Variants in R3HDM1 observed in about 807,000 individuals in gnomAD.
R3HDM1 encodes R3H domain-containing protein 1.
A neutral mutation model predicts 141.1 loss-of-function variants in R3HDM1; 46 were observed. The observed-to-expected ratio is 0.33, with a 90% CI of 0.26 to 0.42. The LOEUF (loss-of-function observed/expected upper bound fraction) is 0.42. Among genes scored for constraint, R3HDM1 ranks in the 10% least tolerant of loss-of-function variants. The pLI is 1.00. For synonymous variants in R3HDM1, 435 were observed against 472.9 expected (o/e 0.92, Z 1.04); for missense variants, 1,184 against 1,368.3 (o/e 0.87, Z 2.12).
At chr2:135,611,149 C>T (rs1033497552) in intron 3 of R3HDM1, among the ~76,000 whole-genome samples, 4 of 151,050 alleles carry the variant, frequency 2.6e-5, no homozygotes, top group Non-Finnish European at 5.9e-5. Context: ...TGGCTGCGCA[C>T]GGTGGTTCAC....
intron 6 of R3HDM1, 45 bp downstream of exon 6, chr2:135,621,653 A>G: frequency 6.8e-7 from 1 of 1,474,428 alleles, no homozygotes; most frequent in Non-Finnish European, 9.1e-7. Context: ...TTTTGCTATC[A>G]GTAATTCCAT....
intron 1 of R3HDM1, among the ~76,000 whole-genome samples, chr2:135,546,134 G>A (rs373258319): frequency 6.6e-6 from 1 of 152,202 alleles, no homozygotes; most frequent in African/African-American, 2.4e-5. Flanking sequence ...TGACAAGAGC[G>A]CATTCCTAAG....
chr2:135,602,731 A>G (rs2059716749), intron 2 of R3HDM1, 23 bp downstream of exon 2: 1 of 1,451,224 alleles, frequency 6.9e-7, no homozygotes. Flanking sequence ...TGTCATTCAG[A>G]AAAACATATT....
chr2:135,559,128 C>T (rs954708942), intron 1 of R3HDM1: 12 of 858,946 alleles, frequency 1.4e-5, no homozygotes, highest in African/African-American at 1.3e-4. Context: ...TTGTTGTTGT[C>T]GGAGACAGGG....
chr2:135,706,929 G>T lies in R3HDM1; in HGVS notation c.2460-2504G>T, dbSNP rs1235112176. ...GACGGGGTGGTGGCCGGGCAGAGGGGCTCCTCACTTCCCAGTAGGGGCGGC... is the reference window on the plus strand; with the variant it reads ...GACGGGGTGGTGGCCGGGCAGAGGGTCTCCTCACTTCCCAGTAGGGGCGGC... On this transcript the variant is annotated intron_variant, in intron 21 of 26. Coordinates refer to ENST00000683871, the MANE Select transcript of R3HDM1 (RefSeq NM_001378107.1). Among the ~76,000 whole-genome samples, 8 of 152,106 alleles carry T rather than the reference G, an allele frequency of 5.3e-5. No homozygotes were observed. In the South Asian group the frequency reaches 6.2e-4, roughly 12 times the overall value.
intron 22 of R3HDM1, 71 bp from the exon 23 acceptor site, chr2:135,709,988 T>C (rs2075430236): frequency 1.4e-6 from 2 of 1,434,766 alleles, no homozygotes; most frequent in African/African-American, 2.8e-5. Context: ...ACTACTGTTA[T>C]CCTAGTGTTC....
chr2:135,597,305 A>T, intron 1 of R3HDM1: 1 of 961,994 alleles, frequency 1.0e-6, no homozygotes, highest in Non-Finnish European at 1.2e-6. Context: ...ACTGATATTC[A>T]TTAAAGCTAT....
chr2:135,568,298 T>G (rs1292338064), intron 1 of R3HDM1, among the ~76,000 whole-genome samples: 1 of 152,098 alleles, frequency 6.6e-6, no homozygotes, highest in African/African-American at 2.4e-5. Flanking sequence ...TCCGCCCACC[T>G]TGGCCTCCCA....
intron 3 of R3HDM1, chr2:135,605,436 C>CA (rs888587615): frequency 6.4e-6 from 1 of 155,670 alleles, no homozygotes; most frequent in Admixed American, 6.4e-5. Context: ...ACCTGACTGA[C>CA]AAAAAAGATT....
intron 4 of R3HDM1, 102 bp from the exon 5 acceptor site, chr2:135,616,566 A>C (rs1208806210): frequency 1.1e-6 from 1 of 945,622 alleles, no homozygotes; most frequent in African/African-American, 1.7e-5. Context: ...ACTGTTATAC[A>C]TGGCAGAAAC....
At chr2:135,712,256 C>T (rs889496393) in intron 23 of R3HDM1, among the ~76,000 whole-genome samples, 2 of 151,896 alleles carry the variant, frequency 1.3e-5, no homozygotes, top group African/African-American at 2.4e-5. Flanking sequence ...CTTACTGCAG[C>T]CTCAACCTCC....
intron 18 of R3HDM1, among the ~76,000 whole-genome samples, chr2:135,653,435 A>G (rs1281807935): frequency 6.6e-6 from 1 of 151,842 alleles, no homozygotes; most frequent in African/African-American, 2.4e-5. Context: ...GAAGTTTTTA[A>G]TGCTATAAAT....
In R3HDM1 at chr2:135,592,696, C is replaced by T. The variant is rs537957187; in HGVS notation, c.-249-9804C>T. On this transcript the variant is annotated intron_variant, in intron 1 of 26. Transcript: ENST00000683871. ...TTGCTGTTTATTTCTCAAAGCATGA[C>T]TAGATGGTAATACCAGTTTGGGTTT... 8.2e-4 allele frequency among the ~76,000 whole-genome samples: 124 copies of T among 152,006 alleles called. 1 individual carries two copies. Among genetic ancestry groups the T allele is most frequent in the African/African-American group, 2.6e-3 (110 of 41,512 alleles).
chr2:135,549,579 AAAC>A (rs1699446430), intron 1 of R3HDM1, among the ~76,000 whole-genome samples: 1 of 145,552 alleles, frequency 6.9e-6, no homozygotes, highest in African/African-American at 2.6e-5. Context: ...AAAAAAAAAA[AAAC>A]AAAAACAAAA....
intron 1 of R3HDM1, among the ~76,000 whole-genome samples, chr2:135,594,798 C>T (rs938389107): frequency 6.6e-6 from 1 of 152,062 alleles, no homozygotes; most frequent in Admixed American, 6.6e-5. Flanking sequence ...CCTCCTAAAC[C>T]TCTAGCCTCT....
chr2:135,607,649 C>T (rs1435436238), intron 3 of R3HDM1, among the ~76,000 whole-genome samples: 1 of 152,190 alleles, frequency 6.6e-6, no homozygotes, highest in Non-Finnish European at 1.5e-5. Flanking sequence ...CTCTTTTCTA[C>T]ACCTAATATT....
chr2:135,556,860 GA>G lies in R3HDM1; in HGVS notation c.-250+25237del, dbSNP rs374882842. On this transcript the variant is annotated intron_variant, in intron 1 of 26. Transcript: ENST00000683871. ...AGCAACACTTACTAGAATTCATATAGAAAAAAAAAACTATTAAAATTCCTCT... is the reference window on the plus strand; with the variant it reads ...AGCAACACTTACTAGAATTCATATAGAAAAAAAAACTATTAAAATTCCTCT... Among the ~76,000 whole-genome samples the G allele has an allele frequency of 1.2e-3, 179 of 147,944 alleles. 1 individual carries two copies. The highest frequency in any genetic ancestry group is 3.7e-3 in the African/African-American group (151 of 40,488).
At chr2:135,667,295 T>C in intron 19 of R3HDM1, 1 of 858,524 alleles carries the variant, frequency 1.2e-6, no homozygotes, top group Non-Finnish European at 1.4e-6. Context: ...CTAGTTCTCT[T>C]AGCTTGCAGA....
chr2:135,649,964 C>T lies in R3HDM1; in HGVS notation c.1686C>T (p.Ser562=). 3 of 1,295,264 alleles carry T rather than the reference C, an allele frequency of 2.3e-6. No individual in the cohort carries two copies. Among genetic ancestry groups the T allele is most frequent in the Non-Finnish European group, 3.0e-6 (3 of 984,536 alleles). The allele number at this position is 1,295,264 out of a possible 1,614,324, so 80.2% of individuals were successfully genotyped here. Residue 562 remains serine, a synonymous_variant, in exon 17 of 27, where the codon TCC becomes TCT. Transcript: ENST00000683871. ...AGTACTCTACAGCCCCTTACCCATC[C>T]CCGTTCCTGCCAGTCTCACCCACCC... ...PVQYSTAPYP[S]PFLPVSPTQQ...
Sources: gnomAD v4.1 joint callset for allele counts (sites outside exome capture counted in the v4.1 genomes callset) on GRCh38, gnomAD v4.1.1 for gene constraint, MANE v1.5 for transcripts, NCBI Gene and HGNC (gene_info 2026-07-23, HGNC 2026-07-21) for gene names.